ZFYVE1: variants seen among roughly 807,000 people sequenced by gnomAD.
ZFYVE1 encodes the protein zinc finger FYVE domain-containing protein 1.
Under a neutral mutation model 74.4 loss-of-function variants are expected in ZFYVE1, and 30 were observed. The ratio of observed to expected loss-of-function variants is 0.40; its 90% CI spans 0.30 to 0.55. The LOEUF is 0.55. Among genes scored for constraint, ZFYVE1 ranks in the 20% least tolerant of loss-of-function variants. The pLI is 0.42. For synonymous variants in ZFYVE1, 335 were observed against 385.1 expected (o/e 0.87, Z 1.52); for missense variants, 703 against 1,011.6 (o/e 0.69, Z 4.14).
chr14:72,990,785 C>T (rs906725646), intron 4 of ZFYVE1, among the ~76,000 whole-genome samples: 1 of 145,544 alleles, frequency 6.9e-6, no homozygotes, highest in African/African-American at 2.5e-5. Context: ...ACTGCAACCT[C>T]CACCTCCCAG....
At chr14:72,988,816 A>G (rs1172384116) in intron 4 of ZFYVE1, among the ~76,000 whole-genome samples, 1 of 151,772 alleles carries the variant, frequency 6.6e-6, no homozygotes. Flanking sequence ...CAAAAAAAAA[A>G]AAAAAAAGTG....
intron 4 of ZFYVE1, among the ~76,000 whole-genome samples, chr14:72,992,921 A>G (rs1048347885): frequency 6.6e-6 from 1 of 152,114 alleles, no homozygotes; most frequent in Non-Finnish European, 1.5e-5. Context: ...CTAGCTGAGG[A>G]CCGGGCACTT....
In ZFYVE1 at chr14:72,975,738, G is replaced by C. The variant is rs1893152550; in HGVS notation, c.1636-17C>G. The C allele has an allele frequency of 6.2e-7, 1 of 1,612,514 alleles. No homozygotes were observed. Among genetic ancestry groups the C allele is most frequent in the Non-Finnish European group, 8.5e-7 (1 of 1,179,174 alleles). On this transcript the variant is annotated splice_polypyrimidine_tract_variant and intron_variant, in intron 8 of 11. Transcript: ENST00000556143. This position sits in a 1 kb window ranked among gnomAD's most constrained non-coding sequence, Gnocchi z 4.1. ...CCCATCAGTCTGAAATGAAAACGCA[G>C]GCTTCCATCATGCTCTGAGAAGGGA...
intron 4 of ZFYVE1, among the ~76,000 whole-genome samples, chr14:72,990,819 G>A (rs1055344318): frequency 6.8e-6 from 1 of 146,488 alleles, no homozygotes; most frequent in African/African-American, 2.5e-5. Flanking sequence ...TCCTGCCTCA[G>A]CCTCCCTAGT....
At position 73,024,588 on chromosome 14, in the gene ZFYVE1, T is replaced by C; in HGVS notation, c.-80A>G. 1 of 1,508,948 alleles carries C rather than the reference T, an allele frequency of 6.6e-7. No homozygotes were observed. The allele number at this position is 1,508,948 out of a possible 1,614,324, so 93.5% of individuals were successfully genotyped here. On this transcript the variant is annotated 5_prime_UTR_variant, in exon 2 of 12. Coordinates refer to ENST00000556143, the MANE Select transcript of ZFYVE1 (RefSeq NM_021260.4). ...GGGGGTGAAGACGAAGATTTGAGTCTGAAGACTGCACGAAACTTCCACAGG... is the reference window on the plus strand; with the variant it reads ...GGGGGTGAAGACGAAGATTTGAGTCCGAAGACTGCACGAAACTTCCACAGG...
chr14:73,026,564 A>T (rs1223675144), intron 1 of ZFYVE1, among the ~76,000 whole-genome samples: 1 of 152,086 alleles, frequency 6.6e-6, no homozygotes, highest in East Asian at 1.9e-4. Flanking sequence ...AAAAATATAA[A>T]ATCAACCTTC....
intron 3 of ZFYVE1, among the ~76,000 whole-genome samples, chr14:72,994,118 T>C (rs756112060): frequency 5.4e-5 from 8 of 147,550 alleles, no homozygotes; most frequent in South Asian, 2.1e-4. Context: ...AGGTCGGGAG[T>C]TCGAGACCAG....
intron 1 of ZFYVE1, among the ~76,000 whole-genome samples, chr14:73,025,145 T>C (rs1334066971): frequency 6.6e-6 from 1 of 151,416 alleles, no homozygotes; most frequent in Non-Finnish European, 1.5e-5. Flanking sequence ...CTCGGCTCAC[T>C]GCAACCTCCG....
chr14:72,986,627 C>T (rs1893489123), intron 4 of ZFYVE1, among the ~76,000 whole-genome samples: 1 of 146,548 alleles, frequency 6.8e-6, no homozygotes, highest in African/African-American at 2.5e-5. Context: ...GTGGCGTGAT[C>T]TTGGCTCACT....
At position 72,974,129 on chromosome 14, in the gene ZFYVE1, G is replaced by C. The variant is rs780060169; in HGVS notation, c.2052C>G (p.Ala684=). 6 of 1,613,986 alleles carry C rather than the reference G, an allele frequency of 3.7e-6. No homozygotes were observed. The African/African-American group carries it at 6.7e-5, about 18-fold the overall frequency. The change falls in exon 11 of 12, where the codon GCC becomes GCG. Residue 684 remains alanine (A), a synonymous_variant. Transcript: ENST00000556143. ...GTLIARKVGE[A]VQNTLGAVVT... The stretch of plus-strand genomic sequence containing the variant: ...CCACGGCTCCCAGAGTGTTCTGCAC[G>C]GCCTCGCCCACCTTCCGAGCAATGA...
At chr14:72,994,628 T>C (rs1893703648) in intron 3 of ZFYVE1, among the ~76,000 whole-genome samples, 1 of 152,156 alleles carries the variant, frequency 6.6e-6, no homozygotes, top group South Asian at 2.1e-4. Flanking sequence ...AATCTAGATA[T>C]GCCAAAGCAT....
chr14:72,998,396 A>C lies in ZFYVE1; in HGVS notation c.484-81T>G, dbSNP rs1893799759. ...CACCTACAAGAAGAAGTGCTTCCCA[A>C]GGACAAGGAACTTGATTGAATTGTC... On this transcript the variant is annotated intron_variant, in intron 2 of 11. Transcript: ENST00000556143. The C allele has an allele frequency of 2.3e-6, 3 of 1,307,862 alleles. No homozygotes were observed. In the African/African-American group the frequency reaches 4.4e-5, roughly 19 times the overall value. 81.0% of individuals were successfully genotyped at this position (1,307,862 alleles called of 1,614,324 possible).
At chr14:72,991,482 C>G (rs1436791698) in intron 4 of ZFYVE1, among the ~76,000 whole-genome samples, 1 of 151,376 alleles carries the variant, frequency 6.6e-6, no homozygotes, top group Non-Finnish European at 1.5e-5. Context: ...AGCCACCGCG[C>G]CCGGCCCCTG....
At chr14:72,980,233 T>A (rs77373518) in intron 5 of ZFYVE1, among the ~76,000 whole-genome samples, 7,825 of 152,294 alleles carry the variant, frequency 0.051, 268 homozygotes, top group Non-Finnish European at 0.081. Flanking sequence ...GCAGGTGGCC[T>A]ACAGGACTCA....
intron 2 of ZFYVE1, among the ~76,000 whole-genome samples, chr14:73,004,135 T>C (rs1184295622): frequency 1.3e-5 from 2 of 152,118 alleles, no homozygotes; most frequent in African/African-American, 2.4e-5. Context: ...CCCGTGTCAC[T>C]CAGCCAGCCT....
chr14:72,973,703 C>G (rs1488192993), intron 11 of ZFYVE1, among the ~76,000 whole-genome samples: 2 of 152,152 alleles, frequency 1.3e-5, no homozygotes, highest in African/African-American at 4.8e-5. Context: ...GTGAGGTCAG[C>G]TTGGACCCTT....
chr14:72,981,847 G>A lies in ZFYVE1; in HGVS notation c.1252C>T (p.His418Tyr), dbSNP rs1893339148. The A allele has an allele frequency of 6.2e-7, 1 of 1,613,984 alleles. No individual in the cohort carries two copies. Among genetic ancestry groups the A allele is most frequent in the South Asian group, 1.1e-5 (1 of 91,082 alleles). ...SGEIPDDQMA[H>Y]SSFFPDEYFT... is the part of the protein sequence containing the mutation. Reference sequence around the variant, plus strand: ...TACTCATCTGGAAAAAAGGAGCTGTGCGCCATCTGGTCATCGGGGATCTCA... The same window carrying A: ...TACTCATCTGGAAAAAAGGAGCTGTACGCCATCTGGTCATCGGGGATCTCA... Residue 418 changes from histidine (H) to tyrosine (Y), a missense_variant, in exon 5 of 12, where the codon CAC becomes TAC. Transcript: ENST00000556143.
rs762821060 is a variant in ZFYVE1, at chr14:72,975,632, G to A, written c.1725C>T (p.Ser575=). 3 of 1,614,158 alleles carry A rather than the reference G, an allele frequency of 1.9e-6. No homozygotes were observed. The highest frequency in any genetic ancestry group is 2.5e-6 in the Non-Finnish European group (3 of 1,180,032). Residue 575 remains serine (S), a synonymous_variant, in exon 9 of 12, where the codon AGC becomes AGT. Coordinates refer to ENST00000556143, the MANE Select transcript of ZFYVE1 (RefSeq NM_021260.4). The surrounding 1 kb of genome is among the most constrained non-coding windows in gnomAD (Gnocchi z 4.1). ...NFMAQSVSEL[S]LGPTKAVTSW... is the part of the protein sequence containing the mutation. Reference sequence around the variant, plus strand: ...AAGTCACAGCCTTGGTGGGTCCAAGGCTAAGCTCGGACACCGACTGAGCCA... The same window carrying A: ...AAGTCACAGCCTTGGTGGGTCCAAGACTAAGCTCGGACACCGACTGAGCCA...
intron 2 of ZFYVE1, among the ~76,000 whole-genome samples, chr14:73,013,264 T>C (rs1275750041): frequency 6.6e-6 from 1 of 152,144 alleles, no homozygotes; most frequent in Non-Finnish European, 1.5e-5. Context: ...GCTGACCATA[T>C]AAACCAGTCA....
Sources: allele counts gnomAD v4.1 joint callset (sites outside exome capture counted in the v4.1 genomes callset), GRCh38; gene constraint gnomAD v4.1.1; non-coding constraint Gnocchi (gnomAD v3.1); transcripts MANE v1.5; gene names NCBI Gene and HGNC (gene_info 2026-07-23, HGNC 2026-07-21).